The following MYO1B variants were observed in gnomAD, a reference collection of about 807,000 sequenced individuals.
MYO1B encodes the protein myosin IB, also known as unconventional myosin-Ib.
In MYO1B, 72 loss-of-function variants were observed where a neutral mutation model predicts 159.7. The ratio of observed to expected loss-of-function variants is 0.45; its 90% CI spans 0.37 to 0.55. MYO1B has a LOEUF of 0.55. MYO1B is among the 20% of genes least tolerant of loss of function. The pLI, the probability that MYO1B is intolerant of heterozygous loss-of-function variation, is 0.00. For synonymous variants in MYO1B, 468 were observed against 473.8 expected (o/e 0.99, Z 0.16); for missense variants, 1,062 against 1,364.8 (o/e 0.78, Z 3.50).
At chr2:191,334,860 G>A (rs558041656) in intron 4 of MYO1B, among the ~76,000 whole-genome samples, 1 of 152,276 alleles carries the variant, frequency 6.6e-6, no homozygotes, top group South Asian at 2.1e-4. Flanking sequence ...ACAAAATAGA[G>A]CATTTAAACC....
At chr2:191,337,301 G>A (rs931230567) in intron 4 of MYO1B, among the ~76,000 whole-genome samples, 2 of 152,140 alleles carry the variant, frequency 1.3e-5, no homozygotes, top group African/African-American at 4.8e-5. Flanking sequence ...ATTCTATGTT[G>A]TGTGATAATT....
At chr2:191,312,270 GT>G (rs1408007879) in intron 3 of MYO1B, among the ~76,000 whole-genome samples, 2 of 152,094 alleles carry the variant, frequency 1.3e-5, no homozygotes, top group Non-Finnish European at 2.9e-5. Flanking sequence ...GTGGCCTACT[GT>G]TTCTGAAATC....
At chr2:191,391,146 G>A (rs1306506416) in intron 18 of MYO1B, among the ~76,000 whole-genome samples, 1 of 152,228 alleles carries the variant, frequency 6.6e-6, no homozygotes, top group East Asian at 1.9e-4. Context: ...TGTTGCAGGA[G>A]AGAAATCAAG....
At chr2:191,282,418 C>T (rs571060461) in intron 2 of MYO1B, among the ~76,000 whole-genome samples, 2 of 152,264 alleles carry the variant, frequency 1.3e-5, no homozygotes, top group Admixed American at 6.5e-5. Context: ...TTCAGACAAC[C>T]ACCTGAGTGT....
Position 191,313,192 on chromosome 2 carries a change from C to CTTTTTTTTTTTTTTTTTTTTTTTTTTT in MYO1B, c.252-16734_252-16708dup, listed in dbSNP as rs762175060. 7.0e-5 allele frequency among the ~76,000 whole-genome samples: 3 copies of CTTTTTTTTTTTTTTTTTTTTTTTTTTT among 42,992 alleles called. 1 individual carries two copies. Among genetic ancestry groups the CTTTTTTTTTTTTTTTTTTTTTTTTTTT allele is most frequent in the Non-Finnish European group, 3.7e-5 (1 of 26,754 alleles). 28.2% of individuals were successfully genotyped at this position (42,992 alleles called of 152,430 possible). A position where few individuals can be genotyped will look rare whatever the true frequency, so the allele number is the denominator to read the frequency against. On this transcript the variant is annotated intron_variant, in intron 3 of 30. Coordinates refer to ENST00000392318, the MANE Select transcript of MYO1B (RefSeq NM_001130158.3). ...TAGTTATAATATCTGGCACACATGG[C>CTTTTTTTTTTTTTTTTTTTTTTTTTTT]TTTTTTTTTTTTTTTTTTTTTTTTT...
At chr2:191,410,041 T>A (rs938505245) in intron 26 of MYO1B, among the ~76,000 whole-genome samples, 2 of 152,186 alleles carry the variant, frequency 1.3e-5, no homozygotes, top group Admixed American at 1.3e-4. Flanking sequence ...TGATAAGTGG[T>A]ACCATACAAC....
At chr2:191,288,960 T>G (rs1688541096) in intron 2 of MYO1B, among the ~76,000 whole-genome samples, 2 of 152,338 alleles carry the variant, frequency 1.3e-5, no homozygotes, top group South Asian at 4.1e-4. Flanking sequence ...TTCTTTGATG[T>G]TATTTTAGAC....
intron 4 of MYO1B, among the ~76,000 whole-genome samples, chr2:191,340,013 C>G (rs1253789942): frequency 6.6e-6 from 1 of 152,140 alleles, no homozygotes; most frequent in Non-Finnish European, 1.5e-5. Flanking sequence ...TTGGAGGAGG[C>G]TCACCTGCCC....
intron 13 of MYO1B, 143 bp downstream of exon 13, chr2:191,370,435 G>A (rs1694288296): frequency 1.6e-6 from 1 of 641,358 alleles, no homozygotes; most frequent in Non-Finnish European, 2.7e-6. Flanking sequence ...CTATCACTTT[G>A]AATCTGCCAA....
intron 13 of MYO1B, among the ~76,000 whole-genome samples, chr2:191,379,652 C>G (rs1384190434): frequency 6.6e-6 from 1 of 152,018 alleles, no homozygotes; most frequent in Non-Finnish European, 1.5e-5. Context: ...TGGGCACAGA[C>G]TTGCCAGATA....
intron 24 of MYO1B, among the ~76,000 whole-genome samples, chr2:191,402,975 A>G (rs1696703709): frequency 4.6e-5 from 7 of 152,202 alleles, no homozygotes; most frequent in Non-Finnish European, 1.0e-4. Flanking sequence ...TATGTTATCA[A>G]AGTTCTAGTT....
chr2:191,353,780 T>C (rs868648817), intron 7 of MYO1B, among the ~76,000 whole-genome samples: 11 of 152,228 alleles, frequency 7.2e-5, no homozygotes, highest in Non-Finnish European at 1.2e-4. Flanking sequence ...TGTCCTGAGG[T>C]ATAAATTATG....
chr2:191,409,036 C>A lies in MYO1B; in HGVS notation c.2632-8C>A. On this transcript the variant is annotated splice_polypyrimidine_tract_variant and splice_region_variant and intron_variant, in intron 25 of 30. Transcript: ENST00000392318. ...CCTCATGTAGTATTTTCTGTCAACC[C>A]AACACAGGTGCAAAAATACTTCTTG... The A allele has an allele frequency of 1.2e-6, 2 of 1,606,844 alleles. No individual in the cohort carries two copies. Among genetic ancestry groups the A allele is most frequent in the African/African-American group, 1.3e-5 (1 of 74,576 alleles).
intron 2 of MYO1B, among the ~76,000 whole-genome samples, chr2:191,292,554 C>A (rs887755175): frequency 6.6e-6 from 1 of 152,128 alleles, no homozygotes; most frequent in African/African-American, 2.4e-5. Flanking sequence ...CAGATAAAAC[C>A]TCCAGATACC....
intron 3 of MYO1B, among the ~76,000 whole-genome samples, chr2:191,321,239 A>G (rs1559166689): frequency 6.6e-6 from 1 of 152,194 alleles, no homozygotes; most frequent in Non-Finnish European, 1.5e-5. Flanking sequence ...AATAAGTGCA[A>G]CATTAAATTT....
chr2:191,339,510 A>G (rs1229259812), intron 4 of MYO1B, among the ~76,000 whole-genome samples: 1 of 152,186 alleles, frequency 6.6e-6, no homozygotes, highest in Non-Finnish European at 1.5e-5. Context: ...GCCCTGTAAA[A>G]GAACGGTATT....
intron 3 of MYO1B, among the ~76,000 whole-genome samples, chr2:191,302,476 TATA>T (rs1454624592): frequency 6.6e-6 from 1 of 152,244 alleles, no homozygotes; most frequent in Non-Finnish European, 1.5e-5. Flanking sequence ...TTTCATGCAG[TATA>T]ATGAGAATTT....
intron 3 of MYO1B, among the ~76,000 whole-genome samples, chr2:191,296,845 T>C (rs531318586): frequency 6.6e-5 from 10 of 152,328 alleles, no homozygotes; most frequent in Admixed American, 3.9e-4. Flanking sequence ...CCGAAATGAT[T>C]TGGCCACTTT....
intron 13 of MYO1B, among the ~76,000 whole-genome samples, chr2:191,375,670 G>T (rs1694661453): frequency 6.6e-6 from 1 of 152,006 alleles, no homozygotes; most frequent in African/African-American, 2.4e-5. Flanking sequence ...TCAGTTATAA[G>T]AATGTCCAAA....
Sources: allele counts gnomAD v4.1 joint callset (sites outside exome capture counted in the v4.1 genomes callset), GRCh38; gene constraint gnomAD v4.1.1; transcripts MANE v1.5; gene names NCBI Gene and HGNC (gene_info 2026-07-23, HGNC 2026-07-21).